INTS14: variants seen among roughly 807,000 people sequenced by gnomAD.
INTS14 encodes integrator complex subunit 14.
INTS14 carries 27 observed loss-of-function variants against 56.9 expected under a neutral mutation model. That is an observed-to-expected ratio of 0.47 (90% CI 0.35 to 0.65). INTS14 has a LOEUF of 0.65. Ranked by LOEUF, INTS14 falls within the 30% of genes least tolerant of loss-of-function variation. The probability of loss-of-function intolerance (pLI) is 0.00; values close to 1 mark genes in which losing one functional copy is unlikely to be tolerated. For missense variants in INTS14, 517 were observed against 632.2 expected (o/e 0.82, Z 1.95); for synonymous variants, 207 against 236.2 (o/e 0.88, Z 1.13).
Position 65,607,253 on chromosome 15 carries a change from G to A in INTS14, c.128C>T (p.Ala43Val), listed in dbSNP as rs1453635591. Residue 43 changes from alanine (A) to valine (V), a missense_variant, in exon 2 of 12, where the codon GCC becomes GTC. By Grantham distance (64) the Ala-to-Val change is moderately conservative (BLOSUM62 0). Coordinates refer to ENST00000313182, the MANE Select transcript of INTS14 (RefSeq NM_001394796.1). ...HGLTMLFEHM[A>V]TNYKLEFTAL... ...TGTAAATTCAAGCTTGTAATTTGTG[G>A]CCATGTGCTCAAACAGCATCGTTAA... The A allele has an allele frequency of 6.2e-7, 1 of 1,614,140 alleles. No individual in the cohort carries two copies. The highest frequency in any genetic ancestry group is 8.5e-7 in the Non-Finnish European group (1 of 1,180,028).
intron 3 of INTS14, 95 bp from the exon 4 acceptor site, chr15:65,600,024 A>C: frequency 1.5e-6 from 2 of 1,364,698 alleles, no homozygotes; most frequent in African/African-American, 2.9e-5. Flanking sequence ...AAGGGGCACC[A>C]GGGCTGGCTA....
chr15:65,586,196 A>G (rs1284613491), intron 9 of INTS14, among the ~76,000 whole-genome samples: 1 of 152,254 alleles, frequency 6.6e-6, no homozygotes, highest in Non-Finnish European at 1.5e-5. Flanking sequence ...TTACAGAATA[A>G]AGAATATTTA....
rs1346570878 is a variant in INTS14, at chr15:65,595,639, A to G, written c.841+94T>C. ...AATTCTGTAACTATTCCTTTCCCCT[A>G]AATTCTGCAAAATGGGCTATCCTAC... is the stretch of plus-strand genomic sequence containing the variant. On this transcript the variant is annotated intron_variant, in intron 7 of 11. Transcript: ENST00000313182. 1.0e-5 allele frequency: 10 copies of G among 995,110 alleles called. No individual in the cohort carries two copies. In the African/African-American group the frequency reaches 1.4e-4, roughly 13 times the overall value. 61.6% of individuals were successfully genotyped at this position (995,110 alleles called of 1,614,324 possible). A position where few individuals can be genotyped will look rare whatever the true frequency, so the allele number is the denominator to read the frequency against.
intron 2 of INTS14, among the ~76,000 whole-genome samples, chr15:65,606,911 C>T (rs568767267): frequency 1.3e-5 from 2 of 152,202 alleles, no homozygotes; most frequent in African/African-American, 4.8e-5. Context: ...CACTTTTCCA[C>T]AGAGAATTCC....
At chr15:65,584,607 G>A (rs1411295627) in intron 10 of INTS14, among the ~76,000 whole-genome samples, 163 bp downstream of exon 10, 1 of 152,120 alleles carries the variant, frequency 6.6e-6, no homozygotes, top group Non-Finnish European at 1.5e-5. Flanking sequence ...CTATATACAT[G>A]TTTTACTGTA....
intron 9 of INTS14, among the ~76,000 whole-genome samples, chr15:65,590,497 T>G (rs2072985691): frequency 6.6e-6 from 1 of 152,190 alleles, no homozygotes; most frequent in African/African-American, 2.4e-5. Context: ...CCACACCCAC[T>G]CTCACATTTT....
chr15:65,610,858 G>A (rs994715538), intron 1 of INTS14: 2 of 1,525,734 alleles, frequency 1.3e-6, no homozygotes, highest in Non-Finnish European at 8.8e-7. Context: ...GGGGCAGAGG[G>A]GAGCTGAGCA....
chr15:65,583,084 C>T (rs1314530207), intron 10 of INTS14, among the ~76,000 whole-genome samples: 2 of 152,192 alleles, frequency 1.3e-5, no homozygotes, highest in African/African-American at 4.8e-5. Flanking sequence ...TTATACACTG[C>T]TAGCAGAAAT....
At chr15:65,607,117 A>C (rs2073681575) in intron 2 of INTS14, 42 bp downstream of exon 2, 1 of 1,599,550 alleles carries the variant, frequency 6.3e-7, no homozygotes, top group Admixed American at 1.7e-5. Flanking sequence ...CCTCCCAATA[A>C]ATTTAGGCCC....
At chr15:65,583,873 GC>G (rs1467431485) in intron 10 of INTS14, among the ~76,000 whole-genome samples, 5 of 152,266 alleles carry the variant, frequency 3.3e-5, no homozygotes, top group Non-Finnish European at 5.9e-5. Flanking sequence ...CAACAAAGAG[GC>G]CCCTGACACT....
intron 9 of INTS14, among the ~76,000 whole-genome samples, chr15:65,590,634 T>C (rs2072990771): frequency 6.6e-6 from 1 of 152,214 alleles, no homozygotes; most frequent in Non-Finnish European, 1.5e-5. Flanking sequence ...TCTGTGAAGA[T>C]TCTCCTGAGT....
chr15:65,580,985 GGT>G (rs929540227), intron 11 of INTS14, among the ~76,000 whole-genome samples: 1 of 152,194 alleles, frequency 6.6e-6, no homozygotes, highest in African/African-American at 2.4e-5. Context: ...GGCCAGGTGG[GGT>G]GGCTCACGCT....
intron 3 of INTS14, 120 bp downstream of exon 3, chr15:65,605,009 T>C (rs1259829010): frequency 1.4e-6 from 1 of 739,290 alleles, no homozygotes; most frequent in Non-Finnish European, 2.4e-6. Context: ...AAGATACCAA[T>C]AGTGTAAAAT....
At chr15:65,605,702 A>G (rs570821393) in intron 2 of INTS14, among the ~76,000 whole-genome samples, 110 of 152,340 alleles carry the variant, frequency 7.2e-4, no homozygotes, top group African/African-American at 2.5e-3. Context: ...CCCAGGTCTC[A>G]TGACTAAGGT....
rs577105325 is a variant in INTS14, at chr15:65,599,974, AT to A, written c.331-46del. 1.4e-3 allele frequency: 2,187 copies of A among 1,583,398 alleles called. 2 individuals carry two copies. The highest frequency in any genetic ancestry group is 1.7e-3 in the Non-Finnish European group (1,980 of 1,163,226). ...GAGGAGGTTGTACATTAAATTACAT[AT>A]TTAACGCAGTCCCATTTAGCAGTGT... On this transcript the variant is annotated intron_variant, in intron 3 of 11. Transcript: ENST00000313182.
intron 7 of INTS14, among the ~76,000 whole-genome samples, chr15:65,594,379 A>G (rs2073134566): frequency 6.7e-6 from 1 of 149,782 alleles, no homozygotes; most frequent in Non-Finnish European, 1.5e-5. Context: ...CTGCTTTCCC[A>G]TATTTTTCTT....
intron 11 of INTS14, 112 bp downstream of exon 11, chr15:65,581,842 A>C (rs2072632828): frequency 9.3e-7 from 1 of 1,072,802 alleles, no homozygotes; most frequent in African/African-American, 1.6e-5. Context: ...ATTTGAAAAA[A>C]CTGAGGCACA....
At chr15:65,609,467 C>G (rs1332838519) in intron 1 of INTS14, among the ~76,000 whole-genome samples, 2 of 152,060 alleles carry the variant, frequency 1.3e-5, no homozygotes, top group Non-Finnish European at 2.9e-5. Flanking sequence ...ATAACATACG[C>G]TCACTAAGGG....
intron 11 of INTS14, among the ~76,000 whole-genome samples, chr15:65,580,170 T>C (rs1043188122): frequency 6.6e-6 from 1 of 152,038 alleles, no homozygotes; most frequent in African/African-American, 2.4e-5. Context: ...CAGAGAAATA[T>C]GAAGTGCCCC....
Sources: allele counts gnomAD v4.1 joint callset (sites outside exome capture counted in the v4.1 genomes callset), GRCh38; gene constraint gnomAD v4.1.1; transcripts MANE v1.5; gene names NCBI Gene and HGNC (gene_info 2026-07-23, HGNC 2026-07-21).